The following USP34 variants were observed in gnomAD, a reference collection of about 807,000 sequenced individuals.
USP34 encodes the protein ubiquitin carboxyl-terminal hydrolase 34.
USP34 carries 70 observed loss-of-function variants against 460.3 expected under a neutral mutation model. The observed-to-expected ratio is 0.15, with a 90% CI of 0.13 to 0.19. USP34 has a LOEUF of 0.19. USP34 is among the 10% of genes least tolerant of loss of function. The pLI is 1.00. For missense variants in USP34, 3,985 were observed against 4,236.2 expected (o/e 0.94, Z 1.65); for synonymous variants, 1,647 against 1,405.3 (o/e 1.17, Z -3.85).
In USP34 at chr2:61,348,835, C is replaced by G. The variant is rs754506984; in HGVS notation, c.1595G>C (p.Ser532Thr). The G allele has an allele frequency of 2.5e-6, 4 of 1,613,868 alleles. No individual in the cohort carries two copies. Among genetic ancestry groups the G allele is most frequent in the East Asian group, 2.2e-5 (1 of 44,836 alleles). Residue 532 changes from serine (S) to threonine (T), a missense_variant, in exon 14 of 80, where the codon AGT (serine) becomes ACT (threonine). Physicochemically the swap from Ser to Thr is moderately conservative, Grantham distance 58. Transcript: ENST00000398571. Reference protein sequence around the residue: ...QSSDNSDTHQSGGSDIEMDEQ... With the variant: ...QSSDNSDTHQTGGSDIEMDEQ... ...ATCCATTTCAATGTCACTACCTCCA[C>G]TTTGATGTGTATCGCTATTATCACT...
intron 69 of USP34, 124 bp from the exon 70 acceptor site, chr2:61,209,101 G>A: frequency 2.1e-6 from 1 of 467,878 alleles, no homozygotes; most frequent in East Asian, 3.4e-5. Flanking sequence ...ACAGAAAAGA[G>A]ACTGCTTCAT....
At chr2:61,272,020 T>G (rs925949254) in intron 41 of USP34, among the ~76,000 whole-genome samples, 2 of 152,234 alleles carry the variant, frequency 1.3e-5, no homozygotes, top group Admixed American at 6.5e-5. Context: ...AAAACAGAAC[T>G]CTTGGTTTTA....
rs1383199732 is a variant in USP34, at chr2:61,410,858, A to T, written c.132-4730T>A. 2.0e-5 allele frequency among the ~76,000 whole-genome samples: 3 copies of T among 152,254 alleles called. No individual in the cohort carries two copies. The East Asian group carries it at 5.8e-4, about 29-fold the overall frequency. ...AAATGGATTTACAAAGAAAAAGAAA[A>T]ATCAACCCCACAGAACACTGGAAAG... On this transcript the variant is annotated intron_variant, in intron 2 of 79. Coordinates refer to ENST00000398571, the MANE Select transcript of USP34 (RefSeq NM_014709.4).
intron 25 of USP34, among the ~76,000 whole-genome samples, chr2:61,313,907 CTAACTT>C (rs1292470544): frequency 6.6e-6 from 1 of 151,960 alleles, no homozygotes; most frequent in Non-Finnish European, 1.5e-5. Flanking sequence ...AAAAAAGTTA[CTAACTT>C]TAACAATTTT....
intron 16 of USP34, 86 bp from the exon 17 acceptor site, chr2:61,339,767 A>C (rs1691530414): frequency 1.7e-6 from 1 of 586,594 alleles, no homozygotes. Flanking sequence ...AATCCAAAGA[A>C]AAGTACACGA....
At chr2:61,192,198 A>G (rs534353951) in intron 76 of USP34, among the ~76,000 whole-genome samples, 2 of 152,204 alleles carry the variant, frequency 1.3e-5, no homozygotes, top group Non-Finnish European at 2.9e-5. Context: ...ATCTCTTCCA[A>G]TGGGGTAGAG....
At chr2:61,424,636 G>C (rs953907183) in intron 1 of USP34, among the ~76,000 whole-genome samples, 1 of 152,076 alleles carries the variant, frequency 6.6e-6, no homozygotes, top group Non-Finnish European at 1.5e-5. Flanking sequence ...AACACTTTGC[G>C]AGGCCAAGGC....
chr2:61,308,056 T>A (rs374197234), intron 27 of USP34, among the ~76,000 whole-genome samples: 26 of 149,988 alleles, frequency 1.7e-4, no homozygotes, highest in African/African-American at 6.4e-4. Context: ...CTCAAAAAAA[T>A]AAATAAATAA....
chr2:61,252,801 C>T (rs544320004), intron 48 of USP34, among the ~76,000 whole-genome samples: 76 of 152,216 alleles, frequency 5.0e-4, no homozygotes, highest in Non-Finnish European at 9.7e-4. Context: ...GGGGTGAAAC[C>T]ATGCATTGTG....
chr2:61,291,850 A>G (rs1431889263), intron 33 of USP34, among the ~76,000 whole-genome samples: 1 of 152,194 alleles, frequency 6.6e-6, no homozygotes, highest in East Asian at 1.9e-4. Context: ...ATGCTTCTCA[A>G]TTGGTGAATG....
Position 61,367,074 on chromosome 2 carries a change from A to T in USP34, c.1251+3247T>A, listed in dbSNP as rs1692463294. 1.3e-5 allele frequency among the ~76,000 whole-genome samples: 2 copies of T among 152,150 alleles called. 1 individual carries two copies. Among genetic ancestry groups the T allele is most frequent in the South Asian group, 4.1e-4 (2 of 4,820 alleles). ...ATATGAAGAGACCCACAACATAAAA[A>T]ATCCAGTACAGACAAGAGATATGAA... On this transcript the variant is annotated intron_variant, in intron 10 of 79. Coordinates refer to ENST00000398571, the MANE Select transcript of USP34 (RefSeq NM_014709.4).
intron 47 of USP34, 30 bp from the exon 48 acceptor site, chr2:61,256,508 A>G (rs754587220): frequency 6.6e-7 from 1 of 1,507,516 alleles, no homozygotes; most frequent in East Asian, 2.4e-5. Context: ...TAAAAGTTTC[A>G]TATTATTGTT....
intron 58 of USP34, among the ~76,000 whole-genome samples, chr2:61,230,892 C>G (rs545436750): frequency 6.6e-6 from 1 of 150,468 alleles, no homozygotes; most frequent in Non-Finnish European, 1.5e-5. Context: ...TTTACCAGTT[C>G]TAAAAACATA....
At chr2:61,223,411 A>C (rs1005361033) in intron 62 of USP34, 115 bp from the exon 63 acceptor site, 13 of 1,065,800 alleles carry the variant, frequency 1.2e-5, no homozygotes, top group Non-Finnish European at 1.7e-5. Flanking sequence ...ACCTGCCATC[A>C]TAAAATGATT....
In USP34 at chr2:61,395,657, G is replaced by C. The variant is rs988535850; in HGVS notation, c.553-424C>G. On this transcript the variant is annotated intron_variant, in intron 3 of 79. Transcript: ENST00000398571. ...AAAAATTAGCCGGGCGCAGTGGCGG[G>C]CGCCTGTAGTCCCAGCTACTCGGGA... Among the ~76,000 whole-genome samples, 26 of 149,388 alleles carry C rather than the reference G, an allele frequency of 1.7e-4. 1 individual carries two copies. Among genetic ancestry groups the C allele is most frequent in the Admixed American group, 8.7e-4 (13 of 14,976 alleles).
chr2:61,279,027 A>G (rs939684930), intron 39 of USP34, among the ~76,000 whole-genome samples: 4 of 152,092 alleles, frequency 2.6e-5, no homozygotes, highest in African/African-American at 7.2e-5. Flanking sequence ...CCAAATCTCT[A>G]AAAAGGAAAA....
chr2:61,208,368 T>A (rs146970285), intron 70 of USP34: 1 of 152,252 alleles, frequency 6.6e-6, no homozygotes, highest in Non-Finnish European at 1.5e-5. Context: ...TACATACAGA[T>A]TGATGTCTCA....
chr2:61,389,932 A>G (rs377605141), intron 5 of USP34, among the ~76,000 whole-genome samples: 30 of 152,288 alleles, frequency 2.0e-4, no homozygotes, highest in African/African-American at 7.2e-4. Flanking sequence ...TAGTTCTGAC[A>G]AAGTGCAAAG....
rs1691609786 is a variant in USP34 at position 61,341,765 on chromosome 2, T to TC, written c.2500+2049_2500+2050insG. Among the ~76,000 whole-genome samples, 7 of 144,228 alleles carry TC rather than the reference T, an allele frequency of 4.9e-5. No individual in the cohort carries two copies. The South Asian group carries it at 1.7e-3, about 35-fold the overall frequency. The allele number at this position is 144,228 out of a possible 152,430, so 94.6% of individuals were successfully genotyped here. Reference sequence around the variant, plus strand: ...CAGACTCAGGTCTTTCTTTTTTTTTTTTTTTTTTTTTTTGAGATGCAGTCT... The same window carrying TC: ...CAGACTCAGGTCTTTCTTTTTTTTTTCTTTTTTTTTTTTTGAGATGCAGTCT... On this transcript the variant is annotated intron_variant, in intron 16 of 79. Transcript: ENST00000398571.
Sources: allele counts gnomAD v4.1 joint callset (sites outside exome capture counted in the v4.1 genomes callset), GRCh38; gene constraint gnomAD v4.1.1; transcripts MANE v1.5; gene names NCBI Gene and HGNC (gene_info 2026-07-23, HGNC 2026-07-21).